Variants in SDK1 observed in about 807,000 individuals in gnomAD.
SDK1 encodes sidekick cell adhesion molecule 1.
SDK1 carries 157 observed loss-of-function variants against 245.5 expected under a neutral mutation model. That is an observed-to-expected ratio of 0.64 (90% CI 0.56 to 0.73). The LOEUF is 0.73. SDK1 is among the 30% of genes least tolerant of loss of function. The probability of loss-of-function intolerance (pLI) is 0.00; values close to 1 mark genes in which losing one functional copy is unlikely to be tolerated. For missense variants in SDK1, 3,583 were observed against 3,002.3 expected (o/e 1.19, Z -4.52); for synonymous variants, 1,647 against 1,278.5 (o/e 1.29, Z -6.15).
In SDK1 at chr7:3,780,246, G is replaced by C. The variant is rs1017299532; in HGVS notation, c.714-41204G>C. On this transcript the variant is annotated intron_variant, in intron 4 of 44. Coordinates refer to ENST00000404826, the MANE Select transcript of SDK1 (RefSeq NM_152744.4). The stretch of plus-strand genomic sequence containing the variant: ...CTGAGAGGATTTCCCTGGACCAACA[G>C]TTTCTGCCACAGGGAAAGAGAACCA... Among the ~76,000 whole-genome samples the C allele has an allele frequency of 5.3e-5, 8 of 152,316 alleles. No individual in the cohort carries two copies. The East Asian group carries it at 1.4e-3, about 26-fold the overall frequency.
At chr7:3,846,299 A>C (rs564731114) in intron 5 of SDK1, among the ~76,000 whole-genome samples, 1 of 152,356 alleles carries the variant, frequency 6.6e-6, no homozygotes, top group East Asian at 1.9e-4. Flanking sequence ...GATTTCCTAT[A>C]AATTATGTTT....
rs146943239 is a variant in SDK1 at position 4,204,438 on chromosome 7, A to G, written c.5099-1441A>G. On this transcript the variant is annotated intron_variant, in intron 35 of 44. Transcript: ENST00000404826. ...GGTGGGCAGTGATAATACGGAAACC[A>G]CACAGTTAGAACAAAATAAATAGTT... Among the ~76,000 whole-genome samples, 789 of 152,220 alleles carry G rather than the reference A, an allele frequency of 5.2e-3. 4 individuals carry two copies. The highest frequency in any genetic ancestry group is 0.018 in the African/African-American group (761 of 41,524).
intron 1 of SDK1, among the ~76,000 whole-genome samples, chr7:3,353,927 C>T (rs191552261): frequency 2.0e-5 from 3 of 151,988 alleles, no homozygotes; most frequent in South Asian, 4.2e-4. Flanking sequence ...ACGTAACTGA[C>T]TTGCTCAGGG....
At chr7:3,308,521 CAATT>C (rs781717660) in intron 1 of SDK1, among the ~76,000 whole-genome samples, 5 of 151,594 alleles carry the variant, frequency 3.3e-5, no homozygotes, top group African/African-American at 7.3e-5. Context: ...TAACAGCTAT[CAATT>C]AAATAGTCCA....
chr7:4,132,958 C>T (rs1482203806), intron 28 of SDK1, among the ~76,000 whole-genome samples: 1 of 152,146 alleles, frequency 6.6e-6, no homozygotes, highest in Non-Finnish European at 1.5e-5. Flanking sequence ...GGAATTTCTT[C>T]CATTCGTTTG....
chr7:4,094,654 A>G (rs747737375), intron 22 of SDK1, among the ~76,000 whole-genome samples: 9 of 152,204 alleles, frequency 5.9e-5, no homozygotes, highest in Non-Finnish European at 1.3e-4. Context: ...GGTTTCCTTT[A>G]TTGTTATCAA....
intron 4 of SDK1, among the ~76,000 whole-genome samples, chr7:3,795,861 C>T (rs1778949101): frequency 6.6e-6 from 1 of 152,126 alleles, no homozygotes; most frequent in African/African-American, 2.4e-5. Context: ...TGATTTTGCT[C>T]AGAATAATAT....
intron 27 of SDK1, among the ~76,000 whole-genome samples, chr7:4,131,083 G>A (rs1252762083): frequency 2.6e-5 from 4 of 152,184 alleles, no homozygotes; most frequent in Non-Finnish European, 5.9e-5. Flanking sequence ...GATCCAGGAG[G>A]GAATGGGAAT....
intron 44 of SDK1, among the ~76,000 whole-genome samples, chr7:4,246,969 A>T (rs1390651256): frequency 6.6e-6 from 1 of 152,168 alleles, no homozygotes; most frequent in Non-Finnish European, 1.5e-5. Context: ...CAGGTGCACC[A>T]TCTCCGTTTC....
rs186546782 is a variant in SDK1, at chr7:4,261,610, T to C, written c.6382-3514T>C. On this transcript the variant is annotated intron_variant, in intron 44 of 44. Transcript: ENST00000404826. ...AGAGAGCCTGTAAAAGAATGCACAT[T>C]CCCCGGCCTCCGACAGACCCACAGA... Among the ~76,000 whole-genome samples, 832 of 152,112 alleles carry C rather than the reference T, an allele frequency of 5.5e-3. 11 individuals are homozygous for C. The highest frequency in any genetic ancestry group is 0.019 in the African/African-American group (786 of 41,492).
chr7:3,490,993 G>T (rs79286053), intron 1 of SDK1, among the ~76,000 whole-genome samples: 1 of 152,202 alleles, frequency 6.6e-6, no homozygotes, highest in African/African-American at 2.4e-5. Context: ...ACCGTCAACA[G>T]ACTGATCACC....
intron 1 of SDK1, among the ~76,000 whole-genome samples, chr7:3,508,015 A>G (rs972800239): frequency 2.0e-5 from 3 of 151,906 alleles, no homozygotes; most frequent in African/African-American, 7.3e-5. Flanking sequence ...TCCTGACCCC[A>G]TATTTTCTAC....
intron 1 of SDK1, among the ~76,000 whole-genome samples, chr7:3,560,630 T>C (rs1779719409): frequency 6.6e-6 from 1 of 152,182 alleles, no homozygotes; most frequent in Admixed American, 6.5e-5. Context: ...CCACACAGCG[T>C]TGGCACGATC....
At chr7:3,824,069 G>T (rs1779711549) in intron 5 of SDK1, among the ~76,000 whole-genome samples, 2 of 151,698 alleles carry the variant, frequency 1.3e-5, no homozygotes, top group African/African-American at 4.8e-5. Flanking sequence ...CTTCTTTCTG[G>T]CATCCAGTGA....
At chr7:3,799,690 G>A (rs932124777) in intron 4 of SDK1, among the ~76,000 whole-genome samples, 1 of 125,634 alleles carries the variant, frequency 8.0e-6, no homozygotes, top group Admixed American at 9.1e-5. Flanking sequence ...GGGCGACAGA[G>A]TGAGACTCCA....
chr7:3,794,339 A>G (rs532291559), intron 4 of SDK1, among the ~76,000 whole-genome samples: 4 of 152,178 alleles, frequency 2.6e-5, no homozygotes, highest in African/African-American at 9.6e-5. Context: ...TTTTATAACG[A>G]TTTTAAAAAT....
At chr7:4,260,212 G>T (rs1450833264) in intron 44 of SDK1, among the ~76,000 whole-genome samples, 1 of 148,984 alleles carries the variant, frequency 6.7e-6, no homozygotes, top group Non-Finnish European at 1.5e-5. Flanking sequence ...CTGCTCCGGG[G>T]CCTCTGTGTG....
chr7:3,731,647 A>G (rs950114324), intron 4 of SDK1, among the ~76,000 whole-genome samples: 5 of 152,120 alleles, frequency 3.3e-5, no homozygotes, highest in African/African-American at 7.2e-5. Context: ...CGTCTCACCT[A>G]TTGTGATGGT....
intron 34 of SDK1, 57 bp from the exon 35 acceptor site, chr7:4,178,428 G>A: frequency 7.7e-7 from 1 of 1,302,600 alleles, no homozygotes. Context: ...GGGGAACTTT[G>A]GAGAAAGAGA....
Sources: gnomAD v4.1 joint callset for allele counts (sites outside exome capture counted in the v4.1 genomes callset) on GRCh38, gnomAD v4.1.1 for gene constraint, MANE v1.5 for transcripts, NCBI Gene and HGNC (gene_info 2026-07-23, HGNC 2026-07-21) for gene names.